Variants in MUC7 observed in about 807,000 individuals in gnomAD.
The protein encoded by MUC7 is mucin 7, secreted.
In MUC7, 2 loss-of-function variants were observed where a neutral mutation model predicts 2.5. The ratio of observed to expected loss-of-function variants is 0.81; its 90% CI spans 0.33 to 2.55. The LOEUF (loss-of-function observed/expected upper bound fraction) is 2.55. MUC7 is among the 30% of genes most tolerant of loss of function. The pLI is 0.11. For synonymous variants in MUC7, 133 were observed against 173.4 expected (o/e 0.77, Z 1.83); for missense variants, 408 against 455.6 (o/e 0.90, Z 0.95).
intron 1 of MUC7, among the ~76,000 whole-genome samples, chr4:70,439,439 C>A (rs1733948264): frequency 6.6e-6 from 1 of 152,166 alleles, no homozygotes; most frequent in South Asian, 2.1e-4. Context: ...TAAAAGCACT[C>A]TGCCTCCTGT....
intron 1 of MUC7, among the ~76,000 whole-genome samples, chr4:70,459,521 G>A (rs1038305021): frequency 6.6e-6 from 1 of 152,006 alleles, no homozygotes; most frequent in African/African-American, 2.4e-5. Flanking sequence ...CATGGCACAT[G>A]TATACATATG....
intron 1 of MUC7, 106 bp from the exon 2 acceptor site, chr4:70,473,901 G>C: frequency 2.6e-6 from 2 of 759,186 alleles, no homozygotes; most frequent in Non-Finnish European, 2.1e-6. Context: ...GAAACCATTG[G>C]TCTCTTTTTG....
chr4:70,430,984 A>G (rs1414082220), intron 1 of MUC7, among the ~76,000 whole-genome samples: 1 of 152,132 alleles, frequency 6.6e-6, no homozygotes, highest in Non-Finnish European at 1.5e-5. Flanking sequence ...ATTTTTTAAC[A>G]TTAGTGATAT....
intron 1 of MUC7, among the ~76,000 whole-genome samples, chr4:70,466,648 A>G (rs543528728): frequency 6.6e-6 from 1 of 152,324 alleles, no homozygotes; most frequent in East Asian, 1.9e-4. Context: ...ACCAACAAAG[A>G]TCAAAAAAGA....
rs41366449 is a variant in MUC7 at position 70,482,123 on chromosome 4, G to C, written c.*245G>C. On this transcript the variant is annotated 3_prime_UTR_variant, in exon 3 of 3. Transcript: ENST00000304887. ...TAACTCTTTGGATCCTACAGAGATAGCCTACTGAGGGCAAAGAAAGTCCTT... is the reference window on the plus strand; with the variant it reads ...TAACTCTTTGGATCCTACAGAGATACCCTACTGAGGGCAAAGAAAGTCCTT... 3,339 of 500,256 alleles carry C rather than the reference G, an allele frequency of 6.7e-3. 85 individuals are homozygous for C. Among genetic ancestry groups the C allele is most frequent in the African/African-American group, 0.054 (2,781 of 51,574 alleles). 31.0% of individuals were successfully genotyped at this position (500,256 alleles called of 1,614,324 possible).
intron 2 of MUC7, among the ~76,000 whole-genome samples, chr4:70,480,372 G>A (rs1411229628): frequency 1.3e-5 from 2 of 152,186 alleles, no homozygotes; most frequent in Non-Finnish European, 2.9e-5. Context: ...TATGAGGGGT[G>A]TAATCTAGAA....
chr4:70,456,638 G>T (rs1734422207), intron 1 of MUC7, among the ~76,000 whole-genome samples: 1 of 152,114 alleles, frequency 6.6e-6, no homozygotes, highest in Non-Finnish European at 1.5e-5. Context: ...CAGCATGGAA[G>T]AAACCACTCC....
intron 1 of MUC7, among the ~76,000 whole-genome samples, chr4:70,435,897 G>C (rs1252446960): frequency 6.6e-6 from 1 of 152,176 alleles, no homozygotes. Context: ...GGCAGGCCTG[G>C]TGGTGATAAA....
intron 1 of MUC7, among the ~76,000 whole-genome samples, chr4:70,456,957 A>G (rs1734430949): frequency 6.6e-6 from 1 of 152,222 alleles, no homozygotes; most frequent in African/African-American, 2.4e-5. Flanking sequence ...GACCATGCCC[A>G]AAATTGAAAA....
intron 1 of MUC7, among the ~76,000 whole-genome samples, chr4:70,451,735 T>A (rs1734286223): frequency 6.6e-6 from 1 of 152,238 alleles, no homozygotes; most frequent in Non-Finnish European, 1.5e-5. Flanking sequence ...TGTGTTTTCT[T>A]CAGCCACTGA....
chr4:70,465,641 G>C (rs552013937), intron 1 of MUC7, among the ~76,000 whole-genome samples: 2 of 152,010 alleles, frequency 1.3e-5, no homozygotes, highest in Admixed American at 1.3e-4. Flanking sequence ...CAAAAGAAAG[G>C]ATATCAGAGA....
intron 1 of MUC7, among the ~76,000 whole-genome samples, chr4:70,453,346 T>C (rs933169884): frequency 1.3e-5 from 2 of 152,188 alleles, no homozygotes; most frequent in Non-Finnish European, 2.9e-5. Flanking sequence ...AACCACGAAA[T>C]GCAGTCCTTT....
chr4:70,440,459 G>A (rs1475350392), intron 1 of MUC7, among the ~76,000 whole-genome samples: 1 of 151,678 alleles, frequency 6.6e-6, no homozygotes, highest in Non-Finnish European at 1.5e-5. Context: ...ACTCTGCCCA[G>A]GACAAAGCAA....
rs539607160 is a variant in MUC7, at chr4:70,441,371, A to G, written c.-93+10684A>G. Among the ~76,000 whole-genome samples the G allele has an allele frequency of 2.0e-5, 3 of 152,330 alleles. No homozygotes were observed. The South Asian group carries it at 6.2e-4, about 32-fold the overall frequency. On this transcript the variant is annotated intron_variant, in intron 1 of 3. Coordinates refer to the MUC7 transcript ENST00000413702. Reference sequence around the variant, plus strand: ...AAAATGTTAGGATGAAAATACTGGAATTGATAACTCCACTATATCGGAAAT... The same window carrying G: ...AAAATGTTAGGATGAAAATACTGGAGTTGATAACTCCACTATATCGGAAAT...
chr4:70,455,217 G>T (rs1476386209), intron 1 of MUC7, among the ~76,000 whole-genome samples: 9 of 152,022 alleles, frequency 5.9e-5, no homozygotes, highest in African/African-American at 9.7e-5. Context: ...CTCTGTGTCT[G>T]CTTTCAAAGA....
intron 1 of MUC7, among the ~76,000 whole-genome samples, chr4:70,432,991 T>A (rs1186557178): frequency 2.6e-5 from 4 of 152,248 alleles, no homozygotes; most frequent in Non-Finnish European, 4.4e-5. Flanking sequence ...TAGGGAATCC[T>A]TTCCCCATTG....
chr4:70,437,763 A>G (rs1288923428), intron 1 of MUC7, among the ~76,000 whole-genome samples: 1 of 152,022 alleles, frequency 6.6e-6, no homozygotes, highest in Non-Finnish European at 1.5e-5. Context: ...AGATGGACCA[A>G]GTACCTCAGT....
intron 1 of MUC7, among the ~76,000 whole-genome samples, chr4:70,462,138 A>G (rs1734571864): frequency 1.3e-5 from 2 of 152,224 alleles, no homozygotes; most frequent in East Asian, 3.9e-4. Context: ...ACTTGAGCCC[A>G]AAGGTCAAGA....
chr4:70,443,164 T>C (rs1339331440), intron 1 of MUC7, among the ~76,000 whole-genome samples: 1 of 152,088 alleles, frequency 6.6e-6, no homozygotes, highest in African/African-American at 2.4e-5. Flanking sequence ...ATTAGATCAA[T>C]TCAAATCTCT....
Sources: allele counts gnomAD v4.1 joint callset (sites outside exome capture counted in the v4.1 genomes callset), GRCh38; gene constraint gnomAD v4.1.1; transcripts MANE v1.5; gene names NCBI Gene and HGNC (gene_info 2026-07-23, HGNC 2026-07-21).